Variants in SYT1 observed in about 807,000 individuals in gnomAD.
The protein encoded by SYT1 is synaptotagmin 1, also known as synaptotagmin-1.
SYT1 carries 8 observed loss-of-function variants against 44.8 expected under a neutral mutation model. The observed-to-expected ratio is 0.18, with a 90% CI of 0.10 to 0.32. The LOEUF (loss-of-function observed/expected upper bound fraction) is 0.32. Ranked by LOEUF, SYT1 falls within the 10% of genes least tolerant of loss-of-function variation. SYT1 has a pLI of 1.00. For synonymous variants in SYT1, 154 were observed against 188.8 expected, an observed-to-expected ratio of 0.82 and a Z score of 1.51; for missense variants, 286 against 509.3, an observed-to-expected ratio of 0.56 and a Z score of 4.22.
chr12:79,312,154 T>A (rs1021376877), intron 8 of SYT1, among the ~76,000 whole-genome samples: 3 of 152,098 alleles, frequency 2.0e-5, no homozygotes, highest in African/African-American at 7.2e-5. Context: ...TGAGCTAAAT[T>A]CTCATCTAGT....
chr12:79,259,257 C>G (rs748268659), intron 4 of SYT1, among the ~76,000 whole-genome samples: 59 of 152,014 alleles, frequency 3.9e-4, no homozygotes, highest in Non-Finnish European at 3.2e-4. Flanking sequence ...ATTTATAGTT[C>G]TACAAAAAAA....
At chr12:79,080,902 TG>T (rs1876987836) in intron 3 of SYT1, among the ~76,000 whole-genome samples, 2 of 152,082 alleles carry the variant, frequency 1.3e-5, no homozygotes, top group African/African-American at 4.8e-5. Flanking sequence ...CTGTAATGGA[TG>T]TGAGATTGGA....
chr12:79,296,616 A>G (rs947215468), intron 7 of SYT1, among the ~76,000 whole-genome samples: 36 of 152,194 alleles, frequency 2.4e-4, no homozygotes, highest in African/African-American at 8.2e-4. Flanking sequence ...CTGTGTCCCA[A>G]TGCTTAAATG....
intron 1 of SYT1, among the ~76,000 whole-genome samples, chr12:78,943,311 C>A (rs551348175): frequency 3.3e-5 from 5 of 152,166 alleles, no homozygotes; most frequent in African/African-American, 1.2e-4. Flanking sequence ...TTATAAGAAG[C>A]ATGGTCTTGG....
At chr12:79,172,085 A>G (rs1871562262) in intron 3 of SYT1, among the ~76,000 whole-genome samples, 1 of 151,998 alleles carries the variant, frequency 6.6e-6, no homozygotes, top group African/African-American at 2.4e-5. Flanking sequence ...AAAATTCAAA[A>G]TTAATTTTCC....
intron 1 of SYT1, among the ~76,000 whole-genome samples, chr12:78,944,660 C>G (rs1565730223): frequency 6.6e-6 from 1 of 152,042 alleles, no homozygotes; most frequent in Non-Finnish European, 1.5e-5. Flanking sequence ...GTATTTGTTA[C>G]AGAACAGAAA....
chr12:79,215,449 AAAAC>A (rs1050957830), intron 3 of SYT1, among the ~76,000 whole-genome samples: 3 of 152,214 alleles, frequency 2.0e-5, no homozygotes, highest in African/African-American at 7.2e-5. Context: ...AAGAAACTGA[AAAAC>A]GAAGAAGATC....
At chr12:79,233,544 A>G (rs995584627) in intron 4 of SYT1, among the ~76,000 whole-genome samples, 4 of 152,200 alleles carry the variant, frequency 2.6e-5, no homozygotes, top group Admixed American at 2.0e-4. Flanking sequence ...CGTGGATATC[A>G]TTTGAAGTGG....
At chr12:78,971,910 TAAGGGTC>T (rs1189054870) in intron 1 of SYT1, among the ~76,000 whole-genome samples, 1 of 152,124 alleles carries the variant, frequency 6.6e-6, no homozygotes, top group African/African-American at 2.4e-5. Context: ...TGACCCCTTT[TAAGGGTC>T]TGGTGAAAAT....
At chr12:79,156,054 A>G (rs926709342) in intron 3 of SYT1, among the ~76,000 whole-genome samples, 2 of 152,228 alleles carry the variant, frequency 1.3e-5, no homozygotes, top group South Asian at 4.1e-4. Flanking sequence ...GTCATTGTAT[A>G]TCTATCAAGT....
intron 2 of SYT1, among the ~76,000 whole-genome samples, chr12:79,039,660 T>C (rs528556661): frequency 1.1e-4 from 16 of 151,484 alleles, no homozygotes; most frequent in African/African-American, 3.1e-4. Flanking sequence ...TTAGGGTACA[T>C]GTGCACATTG....
At chr12:79,041,974 C>A (rs1873615214) in intron 2 of SYT1, among the ~76,000 whole-genome samples, 1 of 152,064 alleles carries the variant, frequency 6.6e-6, no homozygotes, top group Non-Finnish European at 1.5e-5. Flanking sequence ...AGTGATGAAG[C>A]CCACTTGATC....
intron 9 of SYT1, chr12:79,392,802 T>A (rs868595865): frequency 5.0e-4 from 75 of 150,582 alleles, no homozygotes; most frequent in African/African-American, 1.8e-3. Flanking sequence ...TTCTTTCTTT[T>A]TTTTTTTTTT....
At chr12:79,250,676 G>T (rs942145150) in intron 4 of SYT1, among the ~76,000 whole-genome samples, 1 of 152,128 alleles carries the variant, frequency 6.6e-6, no homozygotes, top group African/African-American at 2.4e-5. Context: ...TGATAAAATG[G>T]ATGATCTATG....
intron 4 of SYT1, among the ~76,000 whole-genome samples, chr12:79,250,561 A>G (rs1462207167): frequency 6.6e-6 from 1 of 152,210 alleles, no homozygotes; most frequent in Non-Finnish European, 1.5e-5. Flanking sequence ...TTTATACTGC[A>G]GCAACAATAA....
intron 1 of SYT1, among the ~76,000 whole-genome samples, chr12:78,935,397 T>C (rs1314351785): frequency 1.3e-5 from 2 of 152,180 alleles, no homozygotes; most frequent in Non-Finnish European, 2.9e-5. Flanking sequence ...AATATAGGCA[T>C]GGTTCATGTT....
chr12:79,075,331 C>T (rs190044772), intron 3 of SYT1, among the ~76,000 whole-genome samples: 4 of 152,272 alleles, frequency 2.6e-5, no homozygotes, highest in African/African-American at 9.6e-5. Flanking sequence ...TACAACTTCT[C>T]TCTCTCTCTC....
intron 1 of SYT1, among the ~76,000 whole-genome samples, chr12:78,880,347 G>A (rs1874385232): frequency 6.6e-6 from 1 of 151,394 alleles, no homozygotes; most frequent in South Asian, 2.1e-4. Flanking sequence ...TTTTTGTGTG[G>A]TCTTTCCTGA....
chr12:79,282,859 A>G (rs1879120524), intron 4 of SYT1, among the ~76,000 whole-genome samples: 1 of 152,054 alleles, frequency 6.6e-6, no homozygotes, highest in South Asian at 2.1e-4. Context: ...AACTGTAGCC[A>G]AATTGCTGGG....
Sources: gnomAD v4.1 joint callset for allele counts (sites outside exome capture counted in the v4.1 genomes callset) on GRCh38, gnomAD v4.1.1 for gene constraint, MANE v1.5 for transcripts, NCBI Gene and HGNC (gene_info 2026-07-23, HGNC 2026-07-21) for gene names.